Variants in SLC49A3 observed in about 807,000 individuals in gnomAD.
SLC49A3 encodes solute carrier family 49 member A3.
A neutral mutation model predicts 43.8 loss-of-function variants in SLC49A3; 50 were observed. The observed-to-expected ratio is 1.14, with a 90% CI of 0.91 to 1.45. The LOEUF (loss-of-function observed/expected upper bound fraction) is 1.45. Ranked by LOEUF, SLC49A3 falls within the 40% of genes most tolerant of loss-of-function variation. SLC49A3 has a pLI of 0.00. For missense variants in SLC49A3, 906 were observed against 774.1 expected (o/e 1.17, Z -2.02); for synonymous variants, 413 against 352.0 (o/e 1.17, Z -1.94).
chr4:681,048 G>A (rs1187856895), downstream of SLC49A3: 1 of 1,564,524 alleles, frequency 6.4e-7, no homozygotes. Flanking sequence ...GAAGGCTCCT[G>A]CACCCCCGCA....
Position 683,250 on chromosome 4 carries a change from C to T in SLC49A3, c.1111G>A (p.Val371Met), listed in dbSNP as rs149031633. 870 of 1,612,782 alleles carry T rather than the reference C, an allele frequency of 5.4e-4. 3 individuals are homozygous for T. Among genetic ancestry groups the T allele is most frequent in the South Asian group, 2.6e-3 (237 of 91,080 alleles). Residue 371 changes from valine (V) to methionine (M), a missense_variant, in exon 8 of 10, where the codon GTG (valine) becomes ATG (methionine). Physicochemically the swap from Val to Met is conservative, Grantham distance 21. Transcript: ENST00000322224. ...MELAVECSFP[V>M]GEGAATGMIF... ...ATGCCTGTGGCAGCCCCCTCCCCCA[C>T]GGGGAAGGAACACTCGACCGCCAAC...
chr4:684,225 C>A (rs556383475), intron 6 of SLC49A3, among the ~76,000 whole-genome samples: 1 of 152,264 alleles, frequency 6.6e-6, no homozygotes, highest in East Asian at 1.9e-4. Flanking sequence ...GGGGGCCCCA[C>A]CTTCCCATCC....
chr4:686,414 G>A (rs537638703), intron 2 of SLC49A3, 112 bp from the exon 3 acceptor site: 24 of 1,565,604 alleles, frequency 1.5e-5, no homozygotes, highest in Middle Eastern at 4.1e-4. Context: ...CGGCTCTGCC[G>A]GGGTCCCCAG....
In SLC49A3 at chr4:685,903, G is replaced by C. The variant is rs1740910115; in HGVS notation, c.517C>G (p.Leu173Val). Residue 173 changes from leucine (L) to valine (V), a missense_variant, in exon 4 of 10, where the codon CTG (leucine) becomes GTG (valine). Transcript: ENST00000322224. The surrounding 1 kb of genome is among the most constrained non-coding windows in gnomAD (Gnocchi z 4.3). ...AGCACATTGGCCACAAGGACGCCCA[G>C]AGGGTTCGCTGGGTGGGCGGATGCA... is the stretch of plus-strand genomic sequence containing the variant. ...ANMLATMSNP[L>V]GVLVANVLSP... 1 of 1,613,994 alleles carries C rather than the reference G, an allele frequency of 6.2e-7. No homozygotes were observed. The highest frequency in any genetic ancestry group is 1.3e-5 in the African/African-American group (1 of 75,072).
chr4:689,417 C>T, upstream of SLC49A3: 1 of 248,570 alleles, frequency 4.0e-6, no homozygotes, highest in Non-Finnish European at 7.6e-6. Flanking sequence ...GGAAGGGCCC[C>T]GGTCACAGCC....
chr4:689,201 G>A, upstream of SLC49A3: 2 of 1,128,376 alleles, frequency 1.8e-6, no homozygotes, highest in Non-Finnish European at 2.2e-6. Flanking sequence ...CGTGGGCCGG[G>A]ACCGCCTGCG....
downstream of SLC49A3, chr4:679,843 C>G: frequency 7.4e-7 from 1 of 1,358,928 alleles, no homozygotes; most frequent in Non-Finnish European, 1.0e-6. Context: ...TGGCCCTGTG[C>G]TGGGGTCACC....
At chr4:681,662 C>G (rs1335413434), downstream of SLC49A3, among the ~76,000 whole-genome samples, 4 of 48,132 alleles carry the variant, frequency 8.3e-5, no homozygotes, top group East Asian at 5.6e-4. Flanking sequence ...CCAGCGCCGC[C>G]CCGCCCCCTC....
chr4:682,880 C>T lies in SLC49A3; in HGVS notation c.1162G>A (p.Gly388Arg). 6.3e-7 allele frequency: 1 copy of T among 1,592,952 alleles called. No homozygotes were observed. The highest frequency in any genetic ancestry group is 8.6e-7 in the Non-Finnish European group (1 of 1,166,892). The change falls in exon 9 of 10, where the codon GGA becomes AGA. Residue 388 changes from glycine to arginine, a missense_variant. By Grantham distance (125) the Gly-to-Arg change is moderately radical. Coordinates refer to ENST00000322224, the MANE Select transcript of SLC49A3 (RefSeq NM_032219.4). ...GMIFVLGQAE[G>R]ILIMLAMTAL... ...GTCATTGCCAGCATGATGAGTATTC[C>T]CTCGGCCTGCCTGGACACACGTGGC...
upstream of SLC49A3, among the ~76,000 whole-genome samples, chr4:689,984 G>A (rs930903623): frequency 1.3e-5 from 2 of 152,366 alleles, no homozygotes; most frequent in South Asian, 2.1e-4. Context: ...CTGGTCAGAC[G>A]TGCAAACAGG....
At position 685,763 on chromosome 4, in the gene SLC49A3, G is replaced by A; in HGVS notation, c.585+72C>T. 2 of 1,507,382 alleles carry A rather than the reference G, an allele frequency of 1.3e-6. No individual in the cohort carries two copies. Among genetic ancestry groups the A allele is most frequent in the Non-Finnish European group, 1.8e-6 (2 of 1,087,062 alleles). 93.4% of individuals were successfully genotyped at this position (1,507,382 alleles called of 1,614,324 possible). On this transcript the variant is annotated intron_variant, in intron 4 of 9. Coordinates refer to ENST00000322224, the MANE Select transcript of SLC49A3 (RefSeq NM_032219.4). This position sits in a 1 kb window ranked among gnomAD's most constrained non-coding sequence, Gnocchi z 4.3. Reference sequence around the variant, plus strand: ...GGGCACAGGAACACGGACACACTTGGGATCAGGAACACACAGACGTGCATG... The same window carrying A: ...GGGCACAGGAACACGGACACACTTGAGATCAGGAACACACAGACGTGCATG...
At chr4:678,794 C>T (rs1325456071), downstream of SLC49A3, 2 of 1,607,732 alleles carry the variant, frequency 1.2e-6, no homozygotes, top group Non-Finnish European at 1.7e-6. Context: ...ACTGGGAGCC[C>T]CCACCCCCAG....
chr4:685,211 G>C lies in SLC49A3; in HGVS notation c.586-355C>G, dbSNP rs914127800. On this transcript the variant is annotated intron_variant, in intron 4 of 9. Transcript: ENST00000322224. The surrounding 1 kb of genome is among the most constrained non-coding windows in gnomAD (Gnocchi z 4.3). The stretch of plus-strand genomic sequence containing the variant: ...GAGGCACACGTGCATACAGACTCAC[G>C]CTCAGTACATACCCCCAAGCACAAA... 1 of 371,556 alleles carries C rather than the reference G, an allele frequency of 2.7e-6. No homozygotes were observed. The highest frequency in any genetic ancestry group is 5.0e-6 in the Non-Finnish European group (1 of 201,998). 23.0% of individuals were successfully genotyped at this position (371,556 alleles called of 1,614,324 possible).
chr4:686,138 C>T lies in SLC49A3; in HGVS notation c.459G>A (p.Leu153=), dbSNP rs779237747. 5 of 1,613,240 alleles carry T rather than the reference C, an allele frequency of 3.1e-6. No homozygotes were observed. The highest frequency in any genetic ancestry group is 2.2e-5 in the South Asian group (2 of 91,084). The part of the protein sequence containing the change: ...VIFSPAKLAA[L]WFPEHQRATA... Reference sequence around the variant, plus strand: ...TGGCTCGCTGGTGCTCTGGGAACCACAAGGCAGCCAGCTTGGCTGGAGAGA... The same window carrying T: ...TGGCTCGCTGGTGCTCTGGGAACCATAAGGCAGCCAGCTTGGCTGGAGAGA... Residue 153 remains leucine, a synonymous_variant, in exon 3 of 10, where the codon TTG becomes TTA. Coordinates refer to ENST00000322224, the MANE Select transcript of SLC49A3 (RefSeq NM_032219.4).
At position 685,253 on chromosome 4, in the gene SLC49A3, G is replaced by C. The variant is rs532072256; in HGVS notation, c.586-397C>G. 6.6e-6 allele frequency among the ~76,000 whole-genome samples: 1 copy of C among 152,114 alleles called. No homozygotes were observed. Among genetic ancestry groups the C allele is most frequent in the African/African-American group, 2.4e-5 (1 of 41,400 alleles). On this transcript the variant is annotated intron_variant, in intron 4 of 9. Transcript: ENST00000322224. This position sits in a 1 kb window ranked among gnomAD's most constrained non-coding sequence, Gnocchi z 4.3. Reference sequence around the variant, plus strand: ...AAGCACAAACACACCACCCGCACCTGATACACATGCACGAGCACACACAGG... The same window carrying C: ...AAGCACAAACACACCACCCGCACCTCATACACATGCACGAGCACACACAGG...
In SLC49A3 at chr4:685,055, G is replaced by A. The variant is rs1027829633; in HGVS notation, c.586-199C>T. 1.6e-6 allele frequency: 1 copy of A among 635,658 alleles called. No individual in the cohort carries two copies. Among genetic ancestry groups the A allele is most frequent in the Non-Finnish European group, 2.6e-6 (1 of 383,796 alleles). The allele number at this position is 635,658 out of a possible 1,614,324, so 39.4% of individuals were successfully genotyped here. A position where few individuals can be genotyped will look rare whatever the true frequency, so the allele number is the denominator to read the frequency against. On this transcript the variant is annotated intron_variant, in intron 4 of 9. Coordinates refer to ENST00000322224, the MANE Select transcript of SLC49A3 (RefSeq NM_032219.4). This position sits in a 1 kb window ranked among gnomAD's most constrained non-coding sequence, Gnocchi z 4.3. ...CAGGGGCTCATGGGGACCCCTGGCT[G>A]TCAACGCATCCCTCACCAGTGACAC...
chr4:688,706 T>C (rs561628874), intron 1 of SLC49A3, among the ~76,000 whole-genome samples: 7 of 152,186 alleles, frequency 4.6e-5, no homozygotes, highest in Admixed American at 2.0e-4. Context: ...TGTATGTGAC[T>C]GGCTGGGGAA....
At chr4:681,084 G>A (rs772487913), downstream of SLC49A3, 4 of 1,597,722 alleles carry the variant, frequency 2.5e-6, no homozygotes, top group Non-Finnish European at 3.4e-6. Context: ...CCCTTTCCTC[G>A]TCCTCAGCAT....
chr4:682,412 G>A, intron 9 of SLC49A3, 36 bp from the exon 10 acceptor site: 1 of 1,319,524 alleles, frequency 7.6e-7, no homozygotes, highest in South Asian at 2.9e-5. Context: ...CCACAGCCAA[G>A]CCCAGGGGCC....
Sources: gnomAD v4.1 joint callset for allele counts (sites outside exome capture counted in the v4.1 genomes callset) on GRCh38, gnomAD v4.1.1 for gene constraint, Gnocchi (gnomAD v3.1) non-coding constraint, MANE v1.5 for transcripts, NCBI Gene and HGNC (gene_info 2026-07-23, HGNC 2026-07-21) for gene names.